ZSWIM9: variants seen among roughly 807,000 people sequenced by gnomAD.
The protein encoded by ZSWIM9 is zinc finger SWIM-type containing 9.
Under a neutral mutation model 25.0 loss-of-function variants are expected in ZSWIM9, and 11 were observed. That is an observed-to-expected ratio of 0.44 (90% CI 0.28 to 0.73). The LOEUF (loss-of-function observed/expected upper bound fraction) is 0.73, where lower values mean the gene tolerates loss of function less well. Among genes scored for constraint, ZSWIM9 ranks in the 30% least tolerant of loss-of-function variants. The pLI is 0.16. For missense variants in ZSWIM9, 1,070 were observed against 1,296.5 expected (o/e 0.83, Z 2.68); for synonymous variants, 562 against 582.1 (o/e 0.97, Z 0.50).
At position 48,196,951 on chromosome 19, in the gene ZSWIM9, C is replaced by G. The variant is rs1382772684; in HGVS notation, c.*124C>G. On this transcript the variant is annotated 3_prime_UTR_variant, in exon 4 of 4. Coordinates refer to ENST00000614654, the MANE Select transcript of ZSWIM9 (RefSeq NM_199341.4). Reference sequence around the variant, plus strand: ...CCCCCTGGCCACCTTCTGGGTCATCCAGGGACCTCCTCATGGCAGTTTGCC... The same window carrying G: ...CCCCCTGGCCACCTTCTGGGTCATCGAGGGACCTCCTCATGGCAGTTTGCC... 2 of 1,005,612 alleles carry G rather than the reference C, an allele frequency of 2.0e-6. No individual in the cohort carries two copies. The highest frequency in any genetic ancestry group is 3.3e-5 in the African/African-American group (2 of 60,788). The allele number at this position is 1,005,612 out of a possible 1,614,324, so 62.3% of individuals were successfully genotyped here.
chr19:48,183,761 C>T (rs1460296835), intron 3 of ZSWIM9, among the ~76,000 whole-genome samples: 1 of 151,084 alleles, frequency 6.6e-6, no homozygotes, highest in Non-Finnish European at 1.5e-5. Context: ...CTCATTCTCC[C>T]GAGCAGCTGG....
chr19:48,176,717 G>T (rs1208605506), intron 2 of ZSWIM9, among the ~76,000 whole-genome samples: 1 of 152,064 alleles, frequency 6.6e-6, no homozygotes, highest in African/African-American at 2.4e-5. Context: ...GTGCAAGGTG[G>T]TGGTTTTAGA....
rs1340602390 is a variant in ZSWIM9, at chr19:48,197,494, TC to T, written c.*668del. ...GGTTTTTCTCCAAGACCTGGAGACA[TC>T]GACCCCCATCGCCTTCTGAAGAGAG... On this transcript the variant is annotated 3_prime_UTR_variant, in exon 4 of 4. Transcript: ENST00000614654. 5.4e-6 allele frequency: 3 copies of T among 559,478 alleles called. No homozygotes were observed. In the African/African-American group the frequency reaches 5.7e-5, roughly 11 times the overall value. The allele number at this position is 559,478 out of a possible 1,614,324, so 34.7% of individuals were successfully genotyped here.
rs1338972098 is a variant in ZSWIM9 at position 48,195,697 on chromosome 19, A to C, written c.1633A>C (p.Lys545Gln). ...GGAAGGGGGTGTCTTGAGAGGGTCG[A>C]AGTTAGAGAAAGGGCACCTGAGAGG... is the stretch of plus-strand genomic sequence containing the variant. ...GLEGGVLRGS[K>Q]LEKGHLRGPE... Residue 545 changes from lysine to glutamine, a missense_variant, in exon 4 of 4, where the codon AAG becomes CAG. Around this residue, in one of 4 missense-constraint regions of ZSWIM9, gnomAD observed 583 missense variants for 624.7 expected, o/e 0.93. Transcript: ENST00000614654. This position sits in a 1 kb window ranked among gnomAD's most constrained non-coding sequence, Gnocchi z 5.8. 1.4e-6 allele frequency: 2 copies of C among 1,461,536 alleles called. No individual in the cohort carries two copies. Among genetic ancestry groups the C allele is most frequent in the Non-Finnish European group, 1.8e-6 (2 of 1,114,154 alleles). The allele number at this position is 1,461,536 out of a possible 1,614,324, so 90.5% of individuals were successfully genotyped here. A position where few individuals can be genotyped will look rare whatever the true frequency, so the allele number is the denominator to read the frequency against.
intron 3 of ZSWIM9, among the ~76,000 whole-genome samples, chr19:48,185,870 C>T (rs1040112939): frequency 2.0e-5 from 3 of 152,182 alleles, no homozygotes; most frequent in African/African-American, 4.8e-5. Context: ...CCTGTAATCT[C>T]AGCTACTCGG....
chr19:48,194,421 A>G lies in ZSWIM9; in HGVS notation c.589-232A>G, dbSNP rs115163377. ...AAAAGTGTCATGTGGAAAAAATCAC[A>G]TAGCCGTTAGACTGTGGTACCTGGA... On this transcript the variant is annotated intron_variant, in intron 3 of 3. Transcript: ENST00000614654. The surrounding 1 kb of genome is among the most constrained non-coding windows in gnomAD (Gnocchi z 6.0). Among the ~76,000 whole-genome samples the G allele has an allele frequency of 0.011, 1,642 of 152,304 alleles. 26 individuals carry two copies. Among genetic ancestry groups the G allele is most frequent in the African/African-American group, 0.037 (1,549 of 41,572 alleles).
intron 3 of ZSWIM9, among the ~76,000 whole-genome samples, chr19:48,188,392 T>TTG (rs1353035707): frequency 6.6e-6 from 1 of 151,790 alleles, no homozygotes; most frequent in Non-Finnish European, 1.5e-5. Context: ...CTGGCTAATT[T>TTG]TGTGTGTGTG....
At chr19:48,193,229 T>C (rs904241549) in intron 3 of ZSWIM9, 10 of 154,840 alleles carry the variant, frequency 6.5e-5, no homozygotes, top group Admixed American at 2.0e-4. Context: ...CCAAGGCTCA[T>C]TGAGGAGAGG....
rs907927216 is a variant in ZSWIM9 at position 48,195,940 on chromosome 19, C to T, written c.1876C>T (p.Pro626Ser). Reference protein sequence around the residue: ...YERVRSLEGSPWRGAQLHDER... With the variant: ...YERVRSLEGSSWRGAQLHDER... ...GAGGGTCAGGAGTCTTGAAGGAAGC[C>T]CCTGGAGGGGGGCGCAGCTGCACGA... Residue 626 changes from proline (P) to serine (S), a missense_variant, in exon 4 of 4, where the codon CCC becomes TCC. Physicochemically the swap from Pro to Ser is moderately conservative, Grantham distance 74. This residue lies in a region of ZSWIM9 where 583 missense variants were observed against 624.7 expected (regional missense o/e 0.93). Transcript: ENST00000614654. This position sits in a 1 kb window ranked among gnomAD's most constrained non-coding sequence, Gnocchi z 5.8. The T allele has an allele frequency of 9.8e-6, 13 of 1,329,778 alleles. No individual in the cohort carries two copies. The African/African-American group carries it at 1.8e-4, about 19-fold the overall frequency. 82.4% of individuals were successfully genotyped at this position (1,329,778 alleles called of 1,614,324 possible).
chr19:48,180,357 C>G (rs2036935555), intron 2 of ZSWIM9, among the ~76,000 whole-genome samples: 1 of 148,888 alleles, frequency 6.7e-6, no homozygotes, highest in African/African-American at 2.5e-5. Context: ...GTAGGGGTCT[C>G]ACTAGTCTCA....
chr19:48,180,740 TTTTTTTC>T (rs1481204402), intron 2 of ZSWIM9: 2 of 148,822 alleles, frequency 1.3e-5, no homozygotes, highest in Admixed American at 6.7e-5. Context: ...TTTCTTTTTC[TTTTTTTC>T]TTTTTTCTTT....
intron 3 of ZSWIM9, among the ~76,000 whole-genome samples, chr19:48,186,944 G>A (rs567317408): frequency 7.2e-5 from 11 of 152,262 alleles, no homozygotes; most frequent in African/African-American, 2.6e-4. Flanking sequence ...GGGGGTGGGG[G>A]AAGAGTAAGG....
In ZSWIM9 at chr19:48,171,875, T is replaced by C; in HGVS notation, c.73T>C (p.Phe25Leu). The C allele has an allele frequency of 2.0e-6, 3 of 1,535,616 alleles. No homozygotes were observed. Among genetic ancestry groups the C allele is most frequent in the Non-Finnish European group, 2.6e-6 (3 of 1,146,644 alleles). Residue 25 changes from phenylalanine (F) to leucine (L), a missense_variant, in exon 2 of 4, where the codon TTC becomes CTC. By Grantham distance (22) the Phe-to-Leu change is conservative (BLOSUM62 0). This residue lies in a region of ZSWIM9 where 265 missense variants were observed against 339.0 expected (regional missense o/e 0.78). Transcript: ENST00000614654. The part of the protein sequence containing the change: ...EEQELRERAF[F>L]SWAEFSRFFD... ...GCAGGAGCTGCGGGAGCGGGCCTTC[T>C]TCTCGTGGGCCGAGTTCAGCCGCTT...
chr19:48,186,832 G>A (rs993052942), intron 3 of ZSWIM9: 6 of 153,062 alleles, frequency 3.9e-5, no homozygotes, highest in Middle Eastern at 1.5e-3. Flanking sequence ...ACCCACTTGG[G>A]GTTCAGAATC....
chr19:48,183,445 T>C (rs2036976822), intron 3 of ZSWIM9, among the ~76,000 whole-genome samples: 1 of 151,416 alleles, frequency 6.6e-6, no homozygotes, highest in African/African-American at 2.4e-5. Flanking sequence ...TTCTAATTAA[T>C]TGAAATTTAA....
Position 48,194,667 on chromosome 19 carries a change from C to T in ZSWIM9, c.603C>T (p.Phe201=). The change falls in exon 4 of 4, where the codon TTC becomes TTT. Residue 201 remains phenylalanine, a synonymous_variant. Transcript: ENST00000614654. This position sits in a 1 kb window ranked among gnomAD's most constrained non-coding sequence, Gnocchi z 6.0. ...TDPEAKVKLV[F]VEDQAVVETV... is the part of the protein sequence containing the mutation. ...CCCGCCCGCAGGTGAAGCTGGTGTTCGTGGAGGACCAGGCTGTGGTGGAGA... is the reference window on the plus strand; with the variant it reads ...CCCGCCCGCAGGTGAAGCTGGTGTTTGTGGAGGACCAGGCTGTGGTGGAGA... The T allele has an allele frequency of 1.3e-6, 2 of 1,498,322 alleles. No homozygotes were observed. The highest frequency in any genetic ancestry group is 8.9e-7 in the Non-Finnish European group (1 of 1,124,442). The allele number at this position is 1,498,322 out of a possible 1,614,324, so 92.8% of individuals were successfully genotyped here.
chr19:48,182,903 A>G lies in ZSWIM9; in HGVS notation c.588+136A>G. Reference sequence around the variant, plus strand: ...CCATTCATCCGTTCATTCATTCAATAAGTACTTACCGAGGCATTGGGGATG... The same window carrying G: ...CCATTCATCCGTTCATTCATTCAATGAGTACTTACCGAGGCATTGGGGATG... On this transcript the variant is annotated intron_variant, in intron 3 of 3. Coordinates refer to ENST00000614654, the MANE Select transcript of ZSWIM9 (RefSeq NM_199341.4). The surrounding 1 kb of genome is among the most constrained non-coding windows in gnomAD (Gnocchi z 4.6). The G allele has an allele frequency of 1.4e-6, 1 of 711,680 alleles. No individual in the cohort carries two copies. Among genetic ancestry groups the G allele is most frequent in the Non-Finnish European group, 2.3e-6 (1 of 437,734 alleles). 44.1% of individuals were successfully genotyped at this position (711,680 alleles called of 1,614,324 possible).
rs2037143498 is a variant in ZSWIM9, at chr19:48,195,167, A to C, written c.1103A>C (p.His368Pro). ...YDEALAELHA[H>P]GPAAFVDYFE... is the part of the protein sequence containing the mutation. ...GAGGCGCTGGCCGAGCTCCACGCCC[A>C]CGGCCCAGCCGCCTTCGTGGACTAC... The change falls in exon 4 of 4, where the codon CAC becomes CCC. Residue 368 changes from histidine to proline, a missense_variant. By Grantham distance (77) the His-to-Pro change is moderately conservative. Coordinates refer to ENST00000614654, the MANE Select transcript of ZSWIM9 (RefSeq NM_199341.4). This position sits in a 1 kb window ranked among gnomAD's most constrained non-coding sequence, Gnocchi z 5.8. 1 of 1,519,182 alleles carries C rather than the reference A, an allele frequency of 6.6e-7. No homozygotes were observed. The highest frequency in any genetic ancestry group is 8.8e-7 in the Non-Finnish European group (1 of 1,138,002). 94.1% of individuals were successfully genotyped at this position (1,519,182 alleles called of 1,614,324 possible). A position where few individuals can be genotyped will look rare whatever the true frequency, so the allele number is the denominator to read the frequency against.
chr19:48,182,638 G>C lies in ZSWIM9; in HGVS notation c.459G>C (p.Lys153Asn). 1 of 1,535,782 alleles carries C rather than the reference G, an allele frequency of 6.5e-7. No individual in the cohort carries two copies. The change falls in exon 3 of 4, where the codon AAG becomes AAC. Residue 153 changes from lysine to asparagine, a missense_variant. This residue lies in a region of ZSWIM9 where 265 missense variants were observed against 339.0 expected (regional missense o/e 0.78). Coordinates refer to ENST00000614654, the MANE Select transcript of ZSWIM9 (RefSeq NM_199341.4). The surrounding 1 kb of genome is among the most constrained non-coding windows in gnomAD (Gnocchi z 4.6). ...NACLPVRTTN[K>N]ISKQFVAPAD... ...GCCTGCCGGTGCGCACCACCAACAA[G>C]ATCTCCAAGCAGTTCGTGGCCCCAG...
Sources: allele counts gnomAD v4.1 joint callset (sites outside exome capture counted in the v4.1 genomes callset), GRCh38; gene constraint gnomAD v4.1.1; regional missense constraint gnomAD v4.1.1; non-coding constraint Gnocchi (gnomAD v3.1); transcripts MANE v1.5; gene names NCBI Gene and HGNC (gene_info 2026-07-23, HGNC 2026-07-21).